Variants in FAF1 observed in about 807,000 individuals in gnomAD.
FAF1 encodes FAS-associated factor 1.
A neutral mutation model predicts 92.5 loss-of-function variants in FAF1; 25 were observed. The ratio of observed to expected loss-of-function variants is 0.27; its 90% CI spans 0.20 to 0.38. FAF1 has a LOEUF of 0.38. Ranked by LOEUF, FAF1 falls within the 10% of genes least tolerant of loss-of-function variation. FAF1 has a pLI of 1.00. For missense variants in FAF1, 636 were observed against 793.3 expected, an observed-to-expected ratio of 0.80 and a Z score of 2.38; for synonymous variants, 234 against 273.2, an observed-to-expected ratio of 0.86 and a Z score of 1.42.
intron 14 of FAF1, among the ~76,000 whole-genome samples, chr1:50,539,338 A>C (rs1648649333): frequency 6.6e-6 from 1 of 152,254 alleles, no homozygotes; most frequent in Non-Finnish European, 1.5e-5. Flanking sequence ...TATACAATTT[A>C]GCAATTCTGA....
chr1:50,868,154 C>A (rs924826647), intron 1 of FAF1, among the ~76,000 whole-genome samples: 3 of 151,966 alleles, frequency 2.0e-5, no homozygotes, highest in Non-Finnish European at 2.9e-5. Flanking sequence ...AAGAATGATA[C>A]AAGGGACTTT....
chr1:50,587,376 TATATTTCAA>T (rs1176574805), intron 9 of FAF1, among the ~76,000 whole-genome samples: 1 of 152,210 alleles, frequency 6.6e-6, no homozygotes, highest in African/African-American at 2.4e-5. Flanking sequence ...TTGAAAAAAG[TATATTTCAA>T]ATATGAATTA....
At chr1:50,857,895 T>C (rs376644823) in intron 2 of FAF1, 34 bp downstream of exon 2, 1 of 1,316,116 alleles carries the variant, frequency 7.6e-7, no homozygotes, top group African/African-American at 1.5e-5. Context: ...TCATAAAATT[T>C]GATTACTCAT....
At chr1:50,522,918 T>C (rs551300290) in intron 15 of FAF1, among the ~76,000 whole-genome samples, 2 of 152,284 alleles carry the variant, frequency 1.3e-5, no homozygotes, top group South Asian at 4.1e-4. Context: ...CTTCCCAATT[T>C]ACCCTACATC....
chr1:50,819,751 A>AC (rs1644022040), intron 2 of FAF1, among the ~76,000 whole-genome samples: 1 of 69,796 alleles, frequency 1.4e-5, no homozygotes, highest in Non-Finnish European at 3.1e-5. Flanking sequence ...ATATATATAT[A>AC]CATATATATA....
chr1:50,678,550 AG>A (rs2124359657), intron 7 of FAF1, among the ~76,000 whole-genome samples: 1 of 152,180 alleles, frequency 6.6e-6, no homozygotes, highest in Admixed American at 6.5e-5. Context: ...TGGGAGGCCA[AG>A]GTGGTGGATC....
intron 2 of FAF1, among the ~76,000 whole-genome samples, chr1:50,848,200 C>T (rs1644318346): frequency 6.6e-6 from 1 of 152,090 alleles, no homozygotes; most frequent in African/African-American, 2.4e-5. Flanking sequence ...ACTTTCCCCC[C>T]ACATTTAATT....
intron 1 of FAF1, among the ~76,000 whole-genome samples, chr1:50,865,456 A>G (rs1322841391): frequency 1.4e-5 from 2 of 147,838 alleles, no homozygotes; most frequent in Non-Finnish European, 3.0e-5. Flanking sequence ...CAACAATGAT[A>G]GACTGGATTA....
At chr1:50,618,771 CAG>C (rs1439270616) in intron 8 of FAF1, among the ~76,000 whole-genome samples, 1 of 146,540 alleles carries the variant, frequency 6.8e-6, no homozygotes, top group African/African-American at 2.5e-5. Context: ...TTTTTTGAGA[CAG>C]AGTCTCACTC....
At chr1:50,632,324 C>G (rs796520061) in intron 8 of FAF1, among the ~76,000 whole-genome samples, 9 of 152,130 alleles carry the variant, frequency 5.9e-5, no homozygotes, top group Non-Finnish European at 1.0e-4. Flanking sequence ...AGGTTAGAAA[C>G]GAGTAACACA....
chr1:50,576,871 T>G (rs943397123), intron 12 of FAF1, among the ~76,000 whole-genome samples: 42 of 151,736 alleles, frequency 2.8e-4, no homozygotes, highest in Admixed American at 5.9e-4. Context: ...CTCACCATGT[T>G]GCCCAGTCTG....
At chr1:50,526,168 A>AT (rs1021986904) in intron 15 of FAF1, among the ~76,000 whole-genome samples, 4 of 152,040 alleles carry the variant, frequency 2.6e-5, no homozygotes, top group African/African-American at 9.7e-5. Context: ...TTCATATCCC[A>AT]TTTTTTGTAG....
In FAF1 at chr1:50,732,825, G is replaced by A. The variant is rs185999820; in HGVS notation, c.551+6038C>T. Among the ~76,000 whole-genome samples the A allele has an allele frequency of 1.1e-4, 17 of 149,264 alleles. 1 individual carries two copies. In the East Asian group the frequency reaches 3.3e-3, roughly 29 times the overall value. On this transcript the variant is annotated intron_variant, in intron 6 of 18. Transcript: ENST00000396153. ...GTTTCTGTTTCAGTTTCAAATTGCT[G>A]TTTGCTGATGTATTGACTGAGTTCC... is the stretch of plus-strand genomic sequence containing the variant.
rs1645306410 is a variant in FAF1 at position 50,960,200 on chromosome 1, G to A, written c.-389C>T. ...GCGGGGAAACCGAGCGAGCGAGCGG[G>A]CGGGCGAACGCCGCGGCCGCCTCCG... On this transcript the variant is annotated 5_prime_UTR_variant, in exon 1 of 19. Coordinates refer to ENST00000396153, the MANE Select transcript of FAF1 (RefSeq NM_007051.3). 2 of 322,974 alleles carry A rather than the reference G, an allele frequency of 6.2e-6. No individual in the cohort carries two copies. Among genetic ancestry groups the A allele is most frequent in the East Asian group, 4.3e-5 (1 of 23,136 alleles). 20.0% of individuals were successfully genotyped at this position (322,974 alleles called of 1,614,324 possible). A position where few individuals can be genotyped will look rare whatever the true frequency, so the allele number is the denominator to read the frequency against.
At chr1:50,616,868 T>A (rs1244267790) in intron 8 of FAF1, among the ~76,000 whole-genome samples, 1 of 151,710 alleles carries the variant, frequency 6.6e-6, no homozygotes, top group Non-Finnish European at 1.5e-5. Context: ...TTTAGTAGAG[T>A]CAGGATTTGG....
At chr1:50,504,379 C>G (rs1265907938) in intron 15 of FAF1, among the ~76,000 whole-genome samples, 1 of 148,786 alleles carries the variant, frequency 6.7e-6, no homozygotes, top group Non-Finnish European at 1.5e-5. Context: ...TTCAATGAAA[C>G]AGTAGCTTGG....
intron 2 of FAF1, among the ~76,000 whole-genome samples, chr1:50,845,631 G>A (rs1431251826): frequency 2.6e-5 from 4 of 151,980 alleles, no homozygotes; most frequent in Non-Finnish European, 4.4e-5. Context: ...CAGTGACTAC[G>A]AACCAGCCCT....
At position 50,515,916 on chromosome 1, in the gene FAF1, A is replaced by G. The variant is rs565953898; in HGVS notation, c.1494+19453T>C. ...TTTTTATGTTCTTCTTTCTTAATCCAAATGATTCTTCCTACTCATTCTTCC... is the reference window on the plus strand; with the variant it reads ...TTTTTATGTTCTTCTTTCTTAATCCGAATGATTCTTCCTACTCATTCTTCC... On this transcript the variant is annotated intron_variant, in intron 15 of 18. Coordinates refer to ENST00000396153, the MANE Select transcript of FAF1 (RefSeq NM_007051.3). Among the ~76,000 whole-genome samples the G allele has an allele frequency of 6.6e-5, 10 of 152,264 alleles. No individual in the cohort carries two copies. The South Asian group carries it at 2.1e-3, about 32-fold the overall frequency.
intron 3 of FAF1, among the ~76,000 whole-genome samples, chr1:50,790,813 T>G (rs147482744): frequency 8.5e-5 from 13 of 152,114 alleles, no homozygotes; most frequent in African/African-American, 3.1e-4. Flanking sequence ...TATATTTAAT[T>G]TCCTTCATAC....
Sources: allele counts gnomAD v4.1 joint callset (sites outside exome capture counted in the v4.1 genomes callset), GRCh38; gene constraint gnomAD v4.1.1; transcripts MANE v1.5; gene names NCBI Gene and HGNC (gene_info 2026-07-23, HGNC 2026-07-21).